The following MXI1 variants were observed in gnomAD, a reference collection of about 807,000 sequenced individuals.
MXI1 encodes max-interacting protein 1.
A neutral mutation model predicts 36.9 loss-of-function variants in MXI1; 18 were observed. The observed-to-expected ratio is 0.49, with a 90% confidence interval of 0.34 to 0.72. MXI1 has a LOEUF of 0.72. Among genes scored for constraint, MXI1 ranks in the 30% least tolerant of loss-of-function variants. The probability of loss-of-function intolerance (pLI) is 0.01; values close to 1 mark genes in which losing one functional copy is unlikely to be tolerated. For synonymous variants in MXI1, 160 were observed against 146.7 expected, an observed-to-expected ratio of 1.09 and a Z score of -0.65; for missense variants, 304 against 379.1, an observed-to-expected ratio of 0.80 and a Z score of 1.64.
intron 3 of MXI1, among the ~76,000 whole-genome samples, chr10:110,251,021 A>AAG: frequency 1.1e-5 from 1 of 93,934 alleles, no homozygotes; most frequent in East Asian, 2.3e-4. Flanking sequence ...AAAAAAAAAA[A>AAG]AAAAAAAAAA....
intron 1 of MXI1, among the ~76,000 whole-genome samples, chr10:110,213,565 T>C (rs1344720599): frequency 1.3e-5 from 2 of 152,180 alleles, no homozygotes; most frequent in Non-Finnish European, 2.9e-5. Flanking sequence ...AGAAGGCTTT[T>C]TTGAGGATAT....
chr10:110,238,595 CTCTT>C (rs1855552308), intron 2 of MXI1, among the ~76,000 whole-genome samples: 1 of 152,116 alleles, frequency 6.6e-6, no homozygotes, highest in Admixed American at 6.6e-5. Flanking sequence ...TGTTCCCTCT[CTCTT>C]TATTTTTTCA....
intron 1 of MXI1, among the ~76,000 whole-genome samples, chr10:110,223,236 T>A (rs1462706143): frequency 6.6e-6 from 1 of 152,230 alleles, no homozygotes; most frequent in Non-Finnish European, 1.5e-5. Context: ...CCATCTTGAA[T>A]TCATGTATAT....
At chr10:110,219,255 G>A (rs552051269) in intron 1 of MXI1, among the ~76,000 whole-genome samples, 1 of 152,240 alleles carries the variant, frequency 6.6e-6, no homozygotes, top group South Asian at 2.1e-4. Context: ...AGCCAAGGTC[G>A]TGCCACTGCA....
In MXI1 at chr10:110,245,993, G is replaced by C. The variant is rs181481773; in HGVS notation, c.437+1136G>C. 3.3e-5 allele frequency among the ~76,000 whole-genome samples: 5 copies of C among 152,216 alleles called. No individual in the cohort carries two copies. The South Asian group carries it at 6.2e-4, about 19-fold the overall frequency. ...AAATTTGGAAGAGAACATAAGAATT[G>C]TAAGAGTAAAATACTTTCTTTTTGG... On this transcript the variant is annotated intron_variant, in intron 3 of 5. Coordinates refer to ENST00000332674, the MANE Select transcript of MXI1 (RefSeq NM_130439.3).
chr10:110,263,484 A>AT (rs571228216), intron 3 of MXI1, among the ~76,000 whole-genome samples: 136 of 152,108 alleles, frequency 8.9e-4, no homozygotes, highest in African/African-American at 3.0e-3. Context: ...ATGAAAGTAC[A>AT]TTTTTTTTCT....
intron 3 of MXI1, among the ~76,000 whole-genome samples, chr10:110,275,867 C>G (rs1411726643): frequency 6.6e-6 from 1 of 152,112 alleles, no homozygotes; most frequent in Admixed American, 6.5e-5. Context: ...AATGGCATCA[C>G]TGGCCTTTGT....
intron 3 of MXI1, among the ~76,000 whole-genome samples, chr10:110,271,374 C>T (rs925696486): frequency 6.6e-6 from 1 of 152,158 alleles, no homozygotes; most frequent in Non-Finnish European, 1.5e-5. Context: ...TATTACATCT[C>T]TCCTCCCCAC....
At chr10:110,276,293 A>G (rs1046959135) in intron 3 of MXI1, among the ~76,000 whole-genome samples, 4 of 151,964 alleles carry the variant, frequency 2.6e-5, no homozygotes, top group African/African-American at 4.8e-5. Context: ...TTACAGGTCT[A>G]CCTCCTCCAA....
chr10:110,226,053 C>T, intron 1 of MXI1: 1 of 990,888 alleles, frequency 1.0e-6, no homozygotes, highest in Non-Finnish European at 1.2e-6. Context: ...GCGGCTGGGG[C>T]GGCAGGGGCG....
chr10:110,251,406 AGTTAAG>A (rs1856081794), intron 3 of MXI1, among the ~76,000 whole-genome samples: 1 of 152,142 alleles, frequency 6.6e-6, no homozygotes, highest in African/African-American at 2.4e-5. Context: ...ATTCTATTCT[AGTTAAG>A]GTTAAGGTCA....
intron 1 of MXI1, among the ~76,000 whole-genome samples, chr10:110,212,934 C>A (rs915119877): frequency 2.6e-5 from 4 of 152,220 alleles, no homozygotes; most frequent in Admixed American, 2.6e-4. Context: ...GTATTCAATG[C>A]ATGTTACCCA....
intron 1 of MXI1, among the ~76,000 whole-genome samples, chr10:110,217,705 T>C (rs541257974): frequency 6.6e-5 from 10 of 152,344 alleles, no homozygotes; most frequent in African/African-American, 2.2e-4. Flanking sequence ...CTGTGCTTGG[T>C]GATTCCAAAG....
chr10:110,211,094 T>G, intron 1 of MXI1, among the ~76,000 whole-genome samples: 1 of 145,812 alleles, frequency 6.9e-6, no homozygotes. Context: ...TTTTTTTCGG[T>G]CACTACTGCA....
chr10:110,259,574 GT>G (rs1856435219), intron 3 of MXI1, among the ~76,000 whole-genome samples: 1 of 151,942 alleles, frequency 6.6e-6, no homozygotes, highest in Non-Finnish European at 1.5e-5. Flanking sequence ...TTCTATTCTG[GT>G]ACAAATTTTG....
chr10:110,247,217 A>G (rs879706664), intron 3 of MXI1, among the ~76,000 whole-genome samples: 7 of 152,038 alleles, frequency 4.6e-5, no homozygotes, highest in Non-Finnish European at 1.0e-4. Context: ...TCCTTTGCCC[A>G]CTTTTTGATG....
At chr10:110,269,807 G>A (rs1344344509) in intron 3 of MXI1, among the ~76,000 whole-genome samples, 1 of 152,152 alleles carries the variant, frequency 6.6e-6, no homozygotes, top group African/African-American at 2.4e-5. Flanking sequence ...CTACTGTTGT[G>A]ATTGCAGATT....
At chr10:110,272,242 A>G (rs78132211) in intron 3 of MXI1, among the ~76,000 whole-genome samples, 303 of 152,292 alleles carry the variant, frequency 2.0e-3, no homozygotes, top group African/African-American at 7.2e-3. Context: ...GGATTTTTGG[A>G]TTTGGGATGC....
In MXI1 at chr10:110,255,997, G is replaced by A. The variant is rs80184611; in HGVS notation, c.437+11140G>A. Among the ~76,000 whole-genome samples the A allele has an allele frequency of 5.7e-3, 869 of 152,242 alleles. 11 individuals carry two copies. The highest frequency in any genetic ancestry group is 0.02 in the African/African-American group (835 of 41,536). ...ACTGATTAGTGGAATAGAGTTGAGC[G>A]TGTAGAAATAATTTCTCACATTTAT... is the stretch of plus-strand genomic sequence containing the variant. On this transcript the variant is annotated intron_variant, in intron 3 of 5. Transcript: ENST00000332674.
Sources: allele counts gnomAD v4.1 joint callset (sites outside exome capture counted in the v4.1 genomes callset), GRCh38; gene constraint gnomAD v4.1.1; transcripts MANE v1.5; gene names NCBI Gene and HGNC (gene_info 2026-07-23, HGNC 2026-07-21).